B3GALT1: variants seen among roughly 807,000 people sequenced by gnomAD.
The protein encoded by B3GALT1 is beta-1,3-galactosyltransferase 1, also known as UDP-Gal:betaGlcNAc beta 1,3-galactosyltransferase, polypeptide 1.
In B3GALT1, 10 loss-of-function variants were observed where a neutral mutation model predicts 23.2. The ratio of observed to expected loss-of-function variants is 0.43; its 90% CI spans 0.27 to 0.73. The LOEUF is 0.73. Ranked by LOEUF, B3GALT1 falls within the 30% of genes least tolerant of loss-of-function variation. The pLI is 0.21. For missense variants in B3GALT1, 299 were observed against 405.4 expected (o/e 0.74, Z 2.25); for synonymous variants, 156 against 141.5 (o/e 1.10, Z -0.73).
chr2:167,513,009 C>G (rs1204675177), intron 2 of B3GALT1, among the ~76,000 whole-genome samples: 1 of 138,986 alleles, frequency 7.2e-6, no homozygotes, highest in African/African-American at 2.7e-5. Flanking sequence ...TATTTACATT[C>G]AGTGAGACAA....
intron 1 of B3GALT1, among the ~76,000 whole-genome samples, chr2:167,330,307 C>A (rs528868437): frequency 6.6e-6 from 1 of 152,074 alleles, no homozygotes; most frequent in Non-Finnish European, 1.5e-5. Flanking sequence ...ATTGTTGAAG[C>A]TTTCAAATGT....
intron 3 of B3GALT1, among the ~76,000 whole-genome samples, chr2:167,677,945 A>G (rs924330905): frequency 9.2e-5 from 14 of 152,182 alleles, no homozygotes; most frequent in African/African-American, 3.4e-4. Flanking sequence ...GAACGCATCC[A>G]CTATCATGAT....
At chr2:167,805,072 G>A (rs542158902) in intron 3 of B3GALT1, among the ~76,000 whole-genome samples, 2 of 152,266 alleles carry the variant, frequency 1.3e-5, no homozygotes, top group East Asian at 1.9e-4. Context: ...TTTCTCTGAT[G>A]GCCAGTGATG....
At chr2:167,353,862 T>A (rs1280829587) in intron 1 of B3GALT1, among the ~76,000 whole-genome samples, 1 of 152,178 alleles carries the variant, frequency 6.6e-6, no homozygotes, top group Non-Finnish European at 1.5e-5. Flanking sequence ...AATGTTGCTG[T>A]TCTGAATGGT....
intron 3 of B3GALT1, among the ~76,000 whole-genome samples, chr2:167,800,697 A>G (rs1688625177): frequency 2.0e-5 from 3 of 152,290 alleles, no homozygotes; most frequent in Middle Eastern, 3.4e-3. Context: ...TTTCAGTTTC[A>G]CAAAAGAGAG....
At position 167,635,070 on chromosome 2, in the gene B3GALT1, A is replaced by G. The variant is rs544868323; in HGVS notation, c.-409-11839A>G. On this transcript the variant is annotated intron_variant, in intron 2 of 4. Coordinates refer to ENST00000392690, the MANE Select transcript of B3GALT1 (RefSeq NM_020981.4). ...ATATGCAAATCAATAAACGTAATCC[A>G]TCACATAAACAGAACCAATGACAAA... Among the ~76,000 whole-genome samples the G allele has an allele frequency of 2.6e-5, 4 of 152,272 alleles. No individual in the cohort carries two copies. The East Asian group carries it at 5.8e-4, about 22-fold the overall frequency.
chr2:167,837,954 C>A (rs1337942818), intron 4 of B3GALT1, among the ~76,000 whole-genome samples: 3 of 151,858 alleles, frequency 2.0e-5, no homozygotes, highest in African/African-American at 7.3e-5. Context: ...TGAAGGCAGA[C>A]ATAAAGATGT....
intron 2 of B3GALT1, among the ~76,000 whole-genome samples, chr2:167,599,594 A>C (rs1684838253): frequency 6.6e-6 from 1 of 152,198 alleles, no homozygotes; most frequent in South Asian, 2.1e-4. Flanking sequence ...CCCATATGTC[A>C]TAAGAATATC....
At chr2:167,509,588 G>A (rs887900526) in intron 2 of B3GALT1, among the ~76,000 whole-genome samples, 13 of 152,142 alleles carry the variant, frequency 8.5e-5, no homozygotes, top group African/African-American at 2.7e-4. Flanking sequence ...CTTTTCTTAA[G>A]TCCTGAAGTA....
rs114248289 is a variant in B3GALT1, at chr2:167,575,979, A to G, written c.-409-70930A>G. The stretch of plus-strand genomic sequence containing the variant: ...TTCAACAATATATTATTATCTCTCA[A>G]TAATCTTATACCCTTAATAAAACCC... On this transcript the variant is annotated intron_variant, in intron 2 of 4. Transcript: ENST00000392690. 4.4e-3 allele frequency among the ~76,000 whole-genome samples: 671 copies of G among 151,828 alleles called. 3 individuals carry two copies. The highest frequency in any genetic ancestry group is 5.5e-3 in the Non-Finnish European group (371 of 67,742).
chr2:167,616,890 TCTC>T (rs1283263887), intron 2 of B3GALT1, among the ~76,000 whole-genome samples: 2 of 152,110 alleles, frequency 1.3e-5, no homozygotes, highest in East Asian at 1.9e-4. Context: ...TTGATTCAGA[TCTC>T]CTCTATCTGA....
intron 2 of B3GALT1, among the ~76,000 whole-genome samples, chr2:167,495,696 G>C (rs1257998406): frequency 6.6e-6 from 1 of 152,066 alleles, no homozygotes; most frequent in Non-Finnish European, 1.5e-5. Context: ...TCCCAGATCT[G>C]TTCCTAGGCT....
chr2:167,595,417 G>C (rs532958087), intron 2 of B3GALT1, among the ~76,000 whole-genome samples: 1 of 152,164 alleles, frequency 6.6e-6, no homozygotes, highest in Non-Finnish European at 1.5e-5. Flanking sequence ...ACATGGTCCC[G>C]TTAAATCATA....
intron 3 of B3GALT1, among the ~76,000 whole-genome samples, chr2:167,761,701 G>C (rs1448606045): frequency 8.5e-5 from 13 of 152,126 alleles, no homozygotes; most frequent in Admixed American, 1.3e-4. Flanking sequence ...TTGTTCAGAG[G>C]TCAAAGTCTT....
chr2:167,865,723 C>T (rs1333815684), intron 4 of B3GALT1, among the ~76,000 whole-genome samples: 8 of 152,004 alleles, frequency 5.3e-5, no homozygotes, highest in African/African-American at 1.4e-4. Flanking sequence ...ACCCGGGAGG[C>T]GGAGTTTGCA....
intron 2 of B3GALT1, among the ~76,000 whole-genome samples, chr2:167,539,625 T>A (rs943198440): frequency 1.3e-5 from 2 of 152,140 alleles, no homozygotes. Flanking sequence ...ACATGCAAAA[T>A]TGAATTATAG....
chr2:167,442,688 T>C (rs1698914724), intron 1 of B3GALT1, among the ~76,000 whole-genome samples: 1 of 149,714 alleles, frequency 6.7e-6, no homozygotes, highest in Non-Finnish European at 1.5e-5. Context: ...TTTTGAGAAG[T>C]GTCTGTTCAT....
At chr2:167,659,305 T>C (rs1206996717) in intron 3 of B3GALT1, among the ~76,000 whole-genome samples, 1 of 152,052 alleles carries the variant, frequency 6.6e-6, no homozygotes, top group African/African-American at 2.4e-5. Context: ...TGTCAGTAGT[T>C]ATTCTGTTAT....
intron 3 of B3GALT1, chr2:167,815,363 CAT>C (rs1688974646): frequency 1.3e-5 from 2 of 152,202 alleles, no homozygotes; most frequent in East Asian, 3.8e-4. Flanking sequence ...CCTAATGAGT[CAT>C]AGAATTTACC....
Sources: gnomAD v4.1 joint callset for allele counts (sites outside exome capture counted in the v4.1 genomes callset) on GRCh38, gnomAD v4.1.1 for gene constraint, MANE v1.5 for transcripts, NCBI Gene and HGNC (gene_info 2026-07-23, HGNC 2026-07-21) for gene names.